The following WASHC4 variants were observed in gnomAD, a reference collection of about 807,000 sequenced individuals.
WASHC4 encodes the protein WASH complex subunit 7.
WASHC4 carries 86 observed loss-of-function variants against 166.6 expected under a neutral mutation model. That is an observed-to-expected ratio of 0.52 (90% confidence interval 0.43 to 0.62). WASHC4 has a LOEUF of 0.62. WASHC4 is among the 20% of genes least tolerant of loss of function. The pLI is 0.00. For synonymous variants in WASHC4, 446 were observed against 451.6 expected (o/e 0.99, Z 0.16); for missense variants, 1,262 against 1,382.4 (o/e 0.91, Z 1.38).
intron 27 of WASHC4, 90 bp downstream of exon 27, chr12:105,156,882 G>A (rs918108010): frequency 2.1e-6 from 2 of 943,600 alleles, no homozygotes; most frequent in African/African-American, 3.2e-5. Context: ...TTGTAGATAA[G>A]GTGTTTGTTC....
chr12:105,159,963 C>T (rs747701044), intron 28 of WASHC4, 38 bp from the exon 29 acceptor site: 2 of 1,603,138 alleles, frequency 1.2e-6, no homozygotes, highest in East Asian at 4.5e-5. Flanking sequence ...AGCCACGCTT[C>T]TTTTGAGAAA....
At position 105,143,153 on chromosome 12, in the gene WASHC4, T is replaced by G; in HGVS notation, c.1920T>G (p.Cys640Trp). 1 of 1,611,074 alleles carries G rather than the reference T, an allele frequency of 6.2e-7. No homozygotes were observed. The highest frequency in any genetic ancestry group is 8.5e-7 in the Non-Finnish European group (1 of 1,177,572). Residue 640 changes from cysteine to tryptophan, a missense_variant, in exon 20 of 33, where the codon TGT becomes TGG. By Grantham distance (215) the Cys-to-Trp change is radical (BLOSUM62 -2). Transcript: ENST00000332180. ...LHYMFSALRD[C>W]VPAMMHARHL... is the part of the protein sequence containing the mutation. Reference sequence around the variant, plus strand: ...ACATGTTCAGTGCTTTGCGCGACTGTGTACCTGCTATGATGCATGCAAGGC... The same window carrying G: ...ACATGTTCAGTGCTTTGCGCGACTGGGTACCTGCTATGATGCATGCAAGGC...
At position 105,144,730 on chromosome 12, in the gene WASHC4, A is replaced by G. The variant is rs751342172; in HGVS notation, c.2192A>G (p.His731Arg). 2 of 1,610,540 alleles carry G rather than the reference A, an allele frequency of 1.2e-6. No individual in the cohort carries two copies. The highest frequency in any genetic ancestry group is 1.7e-6 in the Non-Finnish European group (2 of 1,178,518). Residue 731 changes from histidine to arginine, a missense_variant, in exon 22 of 33, where the codon CAC becomes CGC. His to Arg is a conservative substitution (Grantham distance 29). Coordinates refer to ENST00000332180, the MANE Select transcript of WASHC4 (RefSeq NM_015275.3). ...RFIDIRAYVT[H>R]YLDKTFYNLT... ...TTTTTTTTGGTAGCTTACGTAACTC[A>G]CTACCTAGACAAGACTTTCTACAAT... is the stretch of plus-strand genomic sequence containing the variant.
At position 105,127,306 on chromosome 12, in the gene WASHC4, A is replaced by T. The variant is rs749077723; in HGVS notation, c.1199+17A>T. The T allele has an allele frequency of 6.6e-7, 1 of 1,514,878 alleles. No homozygotes were observed. The highest frequency in any genetic ancestry group is 1.1e-5 in the South Asian group (1 of 88,892). The allele number at this position is 1,514,878 out of a possible 1,614,324, so 93.8% of individuals were successfully genotyped here. A position where few individuals can be genotyped will look rare whatever the true frequency, so the allele number is the denominator to read the frequency against. ...ACTTACCAAGTAGGTTTTATAAACA[A>T]GTATAATGAAAATATTTAGATATCC... On this transcript the variant is annotated intron_variant, in intron 13 of 32. Transcript: ENST00000332180.
intron 20 of WASHC4, 65 bp downstream of exon 20, chr12:105,143,308 T>C: frequency 1.1e-6 from 1 of 943,818 alleles, no homozygotes; most frequent in Non-Finnish European, 1.7e-6. Flanking sequence ...GGAAAAAAAA[T>C]GTTCGATTGA....
rs892564243 is a variant in WASHC4 at position 105,107,758 on chromosome 12, G to C, written c.-43G>C. ...TAGCTGGGGTGAGGCCGTCGTCGCC[G>C]CACGGGCTGGTTGGGGCTGTGTCTG... On this transcript the variant is annotated 5_prime_UTR_variant, in exon 1 of 33. Transcript: ENST00000332180. The C allele has an allele frequency of 4.8e-6, 7 of 1,471,914 alleles. No individual in the cohort carries two copies. The highest frequency in any genetic ancestry group is 2.0e-5 in the Admixed American group (1 of 50,298). 91.2% of individuals were successfully genotyped at this position (1,471,914 alleles called of 1,614,324 possible).
chr12:105,157,905 A>G (rs1479511034), intron 28 of WASHC4, among the ~76,000 whole-genome samples: 2 of 118,928 alleles, frequency 1.7e-5, no homozygotes, highest in African/African-American at 6.3e-5. Flanking sequence ...CATTTGTCCC[A>G]TAACACGAGA....
intron 32 of WASHC4, 91 bp from the exon 33 acceptor site, chr12:105,166,773 A>C: frequency 1.2e-6 from 1 of 847,792 alleles, no homozygotes; most frequent in South Asian, 1.4e-5. Flanking sequence ...GAAGTTTGGC[A>C]ATACAGCTCT....
intron 26 of WASHC4, chr12:105,155,319 T>C (rs1210287338): frequency 1.3e-5 from 2 of 152,130 alleles, no homozygotes; most frequent in African/African-American, 4.8e-5. Flanking sequence ...CTAAATAAGG[T>C]TGGGGAGTAA....
At chr12:105,148,394 C>G (rs1566021820) in intron 24 of WASHC4, 1 of 984,042 alleles carries the variant, frequency 1.0e-6, no homozygotes, top group African/African-American at 1.7e-5. Context: ...GTGTCAGGGA[C>G]TGTGCTGGGC....
intron 24 of WASHC4, chr12:105,148,632 A>C (rs1357780812): frequency 1.0e-6 from 1 of 985,252 alleles, no homozygotes; most frequent in Non-Finnish European, 1.2e-6. Flanking sequence ...AAACAGAAAA[A>C]ACAAGGAGAG....
At chr12:105,155,622 C>G (rs905356804) in intron 26 of WASHC4, among the ~76,000 whole-genome samples, 1 of 152,136 alleles carries the variant, frequency 6.6e-6, no homozygotes, top group Non-Finnish European at 1.5e-5. Context: ...GGGTGGATCA[C>G]CTCAGGTCAG....
intron 10 of WASHC4, among the ~76,000 whole-genome samples, chr12:105,122,576 C>T (rs1420586255): frequency 6.6e-6 from 1 of 151,862 alleles, no homozygotes; most frequent in Non-Finnish European, 1.5e-5. Flanking sequence ...GCATTTTCTA[C>T]AAATTAAAGG....
intron 26 of WASHC4, among the ~76,000 whole-genome samples, chr12:105,154,048 T>G (rs1279775913): frequency 1.4e-5 from 2 of 146,310 alleles, no homozygotes; most frequent in Non-Finnish European, 3.0e-5. Context: ...TTTTTTTTTT[T>G]GAGACAGAGT....
chr12:105,139,455 A>ATATATG (rs2135787471), intron 15 of WASHC4, among the ~76,000 whole-genome samples: 1 of 140,052 alleles, frequency 7.1e-6, no homozygotes, highest in Admixed American at 7.2e-5. Flanking sequence ...ATATATATAT[A>ATATATG]TATGCCTCCC....
chr12:105,138,428 A>G (rs1882512379), intron 15 of WASHC4, among the ~76,000 whole-genome samples: 1 of 151,938 alleles, frequency 6.6e-6, no homozygotes, highest in African/African-American at 2.4e-5. Flanking sequence ...AGGTTAGTTA[A>G]CATAAGGCTA....
At chr12:105,163,181 A>C (rs1467344036) in intron 30 of WASHC4, among the ~76,000 whole-genome samples, 1 of 151,990 alleles carries the variant, frequency 6.6e-6, no homozygotes, top group Non-Finnish European at 1.5e-5. Context: ...GATGGTCTCG[A>C]TCTCCTGACC....
At position 105,167,208 on chromosome 12, in the gene WASHC4, A is replaced by G; in HGVS notation, c.*277A>G. 5.0e-6 allele frequency: 2 copies of G among 403,856 alleles called. No individual in the cohort carries two copies. The highest frequency in any genetic ancestry group is 4.6e-6 in the Non-Finnish European group (1 of 219,636). The allele number at this position is 403,856 out of a possible 1,614,324, so 25.0% of individuals were successfully genotyped here. A position where few individuals can be genotyped will look rare whatever the true frequency, so the allele number is the denominator to read the frequency against. On this transcript the variant is annotated 3_prime_UTR_variant, in exon 33 of 33. Coordinates refer to ENST00000332180, the MANE Select transcript of WASHC4 (RefSeq NM_015275.3). ...AGTGAAGTTATAAAAGGGCAAATCC[A>G]GATTCATAAACTATCACCTCGGATT...
At chr12:105,117,896 TC>T (rs1296246020) in intron 6 of WASHC4, among the ~76,000 whole-genome samples, 1 of 152,138 alleles carries the variant, frequency 6.6e-6, no homozygotes, top group Non-Finnish European at 1.5e-5. Flanking sequence ...GACAAACATA[TC>T]CCTAGGATAA....
Sources: gnomAD v4.1 joint callset for allele counts (sites outside exome capture counted in the v4.1 genomes callset) on GRCh38, gnomAD v4.1.1 for gene constraint, MANE v1.5 for transcripts, NCBI Gene and HGNC (gene_info 2026-07-23, HGNC 2026-07-21) for gene names.